OTULIN: variants seen among roughly 807,000 people sequenced by gnomAD.
The protein encoded by OTULIN is OTU deubiquitinase with linear linkage specificity.
In OTULIN, 15 loss-of-function variants were observed where a neutral mutation model predicts 39.6. That is an observed-to-expected ratio of 0.38 (90% CI 0.25 to 0.58). The LOEUF is 0.58. Ranked by LOEUF, OTULIN falls within the 20% of genes least tolerant of loss-of-function variation. The pLI is 0.66. For missense variants in OTULIN, 319 were observed against 445.9 expected, an observed-to-expected ratio of 0.72 and a Z score of 2.56; for synonymous variants, 156 against 170.3, an observed-to-expected ratio of 0.92 and a Z score of 0.65.
At chr5:14,714,896 A>G in the OTULIN span, among the ~76,000 whole-genome samples, 64 of 152,312 alleles carry the variant, frequency 4.2e-4, no homozygotes, top group African/African-American at 1.3e-3. Flanking sequence ...TCTGGTCACT[A>G]CTGTAGAAAT....
At chr5:14,704,329 CAAAAAA>C (rs1194771023), downstream of OTULIN, among the ~76,000 whole-genome samples, 52 of 65,518 alleles carry the variant, frequency 7.9e-4, no homozygotes, top group East Asian at 0.027. Context: ...GACTCCGTCT[CAAAAAA>C]AAAAAAAAAA....
the OTULIN span, chr5:14,712,832 G>A: frequency 6.5e-7 from 1 of 1,543,434 alleles, no homozygotes; most frequent in Non-Finnish European, 8.8e-7. Flanking sequence ...CTGCACCCAG[G>A]AGGATGCACC....
the OTULIN span, among the ~76,000 whole-genome samples, chr5:14,711,970 C>T: frequency 2.0e-5 from 3 of 152,376 alleles, no homozygotes; most frequent in Non-Finnish European, 2.9e-5. Flanking sequence ...CCCCCATCCA[C>T]GGATCCCACC....
chr5:14,709,775 G>A, the OTULIN span: 2 of 152,496 alleles, frequency 1.3e-5, no homozygotes, highest in African/African-American at 4.8e-5. Context: ...GATACAATAC[G>A]TTTCAACTGC....
chr5:14,673,798 A>G, intron 2 of OTULIN, 80 bp downstream of exon 2: 1 of 1,159,988 alleles, frequency 8.6e-7, no homozygotes, highest in Non-Finnish European at 1.3e-6. Context: ...AACCATTTTC[A>G]TAAAATATCA....
intron 1 of OTULIN, among the ~76,000 whole-genome samples, chr5:14,669,322 G>GC (rs1229771612): frequency 1.3e-5 from 2 of 152,100 alleles, no homozygotes; most frequent in African/African-American, 4.8e-5. Flanking sequence ...CCGAGACTGC[G>GC]CCGTTGCACT....
In OTULIN at chr5:14,674,704, G is replaced by A. The variant is rs73046797; in HGVS notation, c.229+986G>A. Among the ~76,000 whole-genome samples the A allele has an allele frequency of 8.8e-3, 1,345 of 152,172 alleles. 21 individuals are homozygous for A. Among genetic ancestry groups the A allele is most frequent in the African/African-American group, 0.031 (1,284 of 41,500 alleles). ...TGGGAGTTTGAGGATGTAGTGAGCCGTGATTGCATTACTGCACTCCAACCT... is the reference window on the plus strand; with the variant it reads ...TGGGAGTTTGAGGATGTAGTGAGCCATGATTGCATTACTGCACTCCAACCT... On this transcript the variant is annotated intron_variant, in intron 2 of 6. Coordinates refer to ENST00000284274, the MANE Select transcript of OTULIN (RefSeq NM_138348.6).
chr5:14,665,452 A>T (rs1177238650), intron 1 of OTULIN, among the ~76,000 whole-genome samples: 1 of 152,070 alleles, frequency 6.6e-6, no homozygotes, highest in East Asian at 1.9e-4. Context: ...ATTCTCTCTG[A>T]CCCTTTAACG....
intron 4 of OTULIN, among the ~76,000 whole-genome samples, chr5:14,683,846 T>A (rs1395400876): frequency 6.6e-6 from 1 of 152,204 alleles, no homozygotes; most frequent in African/African-American, 2.4e-5. Context: ...AAATTGCTTT[T>A]AAAAAAGTTA....
Position 14,677,856 on chromosome 5 carries a change from C to G in OTULIN, c.230-825C>G, listed in dbSNP as rs184597113. ...TTCTTTGTATAATGGTTATAAAAAA[C>G]TGATTACTCATTGTTAGAAGTGTTT... On this transcript the variant is annotated intron_variant, in intron 2 of 6. Coordinates refer to ENST00000284274, the MANE Select transcript of OTULIN (RefSeq NM_138348.6). Among the ~76,000 whole-genome samples, 189 of 152,270 alleles carry G rather than the reference C, an allele frequency of 1.2e-3. 1 individual carries two copies. The highest frequency in any genetic ancestry group is 4.4e-3 in the African/African-American group (184 of 41,546).
At position 14,664,959 on chromosome 5, in the gene OTULIN, T is replaced by G; in HGVS notation, c.134T>G (p.Met45Arg). 9.1e-7 allele frequency: 1 copy of G among 1,101,004 alleles called. No homozygotes were observed. The highest frequency in any genetic ancestry group is 1.1e-6 in the Non-Finnish European group (1 of 905,306). 68.2% of individuals were successfully genotyped at this position (1,101,004 alleles called of 1,614,324 possible). A position where few individuals can be genotyped will look rare whatever the true frequency, so the allele number is the denominator to read the frequency against. ...GCCAGCGGGCAGCCGCGGCCCGAGA[T>G]GCAGTGCCCGGCCGAGCAGTGAGTC... ...AAASGQPRPEMQCPAEHEEDM... is the reference protein window; with the variant it reads ...AAASGQPRPERQCPAEHEEDM... The change falls in exon 1 of 7, where the codon ATG (methionine) becomes AGG (arginine). Residue 45 changes from methionine (M) to arginine (R), a missense_variant. By Grantham distance (91) the Met-to-Arg change is moderately conservative (BLOSUM62 -1). This residue lies in a region of OTULIN where 132 missense variants were observed against 143.7 expected (regional missense o/e 0.92). Coordinates refer to ENST00000284274, the MANE Select transcript of OTULIN (RefSeq NM_138348.6).
intron 3 of OTULIN, 55 bp downstream of exon 3, chr5:14,678,830 G>A (rs1736172741): frequency 8.7e-7 from 1 of 1,149,862 alleles, no homozygotes; most frequent in Non-Finnish European, 1.2e-6. Flanking sequence ...ATCATAAGTT[G>A]TTTAATATGT....
At chr5:14,710,110 TTTATC>T in the OTULIN span, 1 of 152,210 alleles carries the variant, frequency 6.6e-6, no homozygotes, top group South Asian at 2.1e-4. Flanking sequence ...AATGTCTTGC[TTTATC>T]GTATGGTGTG....
the OTULIN span, chr5:14,711,009 A>G: frequency 1.6e-6 from 1 of 633,588 alleles, no homozygotes; most frequent in East Asian, 2.8e-5. Context: ...ACCATTCACT[A>G]GGTCCCCCCG....
At chr5:14,700,193 G>A (rs1176220745), downstream of OTULIN, among the ~76,000 whole-genome samples, 1 of 152,136 alleles carries the variant, frequency 6.6e-6, no homozygotes, top group Non-Finnish European at 1.5e-5. Context: ...TCACAGAAAC[G>A]AGATAGATGT....
chr5:14,704,464 T>G (rs1199969210), downstream of OTULIN, among the ~76,000 whole-genome samples: 1 of 152,114 alleles, frequency 6.6e-6, no homozygotes, highest in Admixed American at 6.6e-5. Flanking sequence ...ACCAAACACT[T>G]GCTTCATTTT....
At chr5:14,668,987 G>A (rs117002851) in intron 1 of OTULIN, among the ~76,000 whole-genome samples, 1 of 152,134 alleles carries the variant, frequency 6.6e-6, no homozygotes, top group Non-Finnish European at 1.5e-5. Context: ...TTATAATTTA[G>A]TATGCAACGT....
downstream of OTULIN, among the ~76,000 whole-genome samples, chr5:14,702,540 G>A (rs559013964): frequency 6.6e-6 from 1 of 152,312 alleles, no homozygotes; most frequent in East Asian, 1.9e-4. Flanking sequence ...TGGGCAGGTT[G>A]GCACTGGGGG....
the OTULIN span, among the ~76,000 whole-genome samples, chr5:14,714,335 G>A: frequency 2.3e-4 from 35 of 152,352 alleles, no homozygotes; most frequent in East Asian, 4.4e-3. Context: ...GGTGGACAGC[G>A]GGGAACTGTG....
Sources: gnomAD v4.1 joint callset for allele counts (sites outside exome capture counted in the v4.1 genomes callset) on GRCh38, gnomAD v4.1.1 for gene constraint, gnomAD v4.1.1 regional missense constraint, MANE v1.5 for transcripts, NCBI Gene and HGNC (gene_info 2026-07-23, HGNC 2026-07-21) for gene names.